Variants in EFCAB5 observed in about 807,000 individuals in gnomAD.
EFCAB5 encodes EF-hand calcium binding domain 5, also known as EF-hand calcium-binding domain-containing protein 5.
A neutral mutation model predicts 167.9 loss-of-function variants in EFCAB5; 131 were observed. The ratio of observed to expected loss-of-function variants is 0.78; its 90% CI spans 0.68 to 0.90. The LOEUF is 0.90. Ranked by LOEUF, EFCAB5 falls within the 40% of genes least tolerant of loss-of-function variation. The probability of loss-of-function intolerance (pLI) is 0.00; values close to 1 mark genes in which losing one functional copy is unlikely to be tolerated. For missense variants in EFCAB5, 1,663 were observed against 1,745.2 expected, an observed-to-expected ratio of 0.95 and a Z score of 0.84; for synonymous variants, 574 against 602.8, an observed-to-expected ratio of 0.95 and a Z score of 0.70.
chr17:29,945,218 C>T (rs939851884), intron 3 of EFCAB5, among the ~76,000 whole-genome samples: 21 of 152,016 alleles, frequency 1.4e-4, no homozygotes, highest in Middle Eastern at 3.4e-3. Context: ...GTTTAGTATA[C>T]GCTAGGCTGA....
At chr17:29,972,502 TC>T (rs1335846580) in intron 4 of EFCAB5, 2 of 152,256 alleles carry the variant, frequency 1.3e-5, no homozygotes, top group African/African-American at 2.4e-5. Flanking sequence ...TGACCAGACA[TC>T]ACCTGCAGCC....
At chr17:29,990,826 G>A (rs559116949) in intron 4 of EFCAB5, among the ~76,000 whole-genome samples, 45 of 152,070 alleles carry the variant, frequency 3.0e-4, no homozygotes, top group Admixed American at 2.0e-4. Flanking sequence ...GAGAGCAGTC[G>A]CTCGAGGTGC....
intron 4 of EFCAB5, among the ~76,000 whole-genome samples, chr17:29,985,194 G>T (rs1208896486): frequency 1.3e-5 from 2 of 152,150 alleles, no homozygotes; most frequent in African/African-American, 2.4e-5. Flanking sequence ...TCTCAACCTG[G>T]GTGATGCAGT....
intron 22 of EFCAB5, among the ~76,000 whole-genome samples, chr17:30,097,456 C>G (rs2071320274): frequency 6.6e-6 from 1 of 152,222 alleles, no homozygotes; most frequent in African/African-American, 2.4e-5. Context: ...GTCCCCCTCG[C>G]CAGGGGCAAC....
chr17:29,985,291 G>C (rs1323746717), intron 4 of EFCAB5, among the ~76,000 whole-genome samples: 1 of 152,184 alleles, frequency 6.6e-6, no homozygotes, highest in Non-Finnish European at 1.5e-5. Flanking sequence ...GCAATTAGCT[G>C]AGATATACCC....
chr17:29,984,399 C>T (rs2068238432), intron 4 of EFCAB5, among the ~76,000 whole-genome samples: 1 of 151,754 alleles, frequency 6.6e-6, no homozygotes, highest in Non-Finnish European at 1.5e-5. Context: ...TTAGCAATTG[C>T]ATCAGAGAAA....
intron 8 of EFCAB5, among the ~76,000 whole-genome samples, chr17:30,044,580 G>GA (rs903877603): frequency 3.2e-4 from 47 of 145,912 alleles, no homozygotes; most frequent in African/African-American, 1.0e-3. Flanking sequence ...GATCTCACAA[G>GA]AAAAAAAAAA....
intron 7 of EFCAB5, among the ~76,000 whole-genome samples, chr17:30,021,498 A>G (rs1370458710): frequency 6.7e-6 from 1 of 148,810 alleles, no homozygotes; most frequent in Non-Finnish European, 1.5e-5. Context: ...AAATGAGAAA[A>G]TGGAGTGATA....
At position 30,068,664 on chromosome 17, in the gene EFCAB5, C is replaced by G. The variant is rs540287586; in HGVS notation, c.2737+8963C>G. On this transcript the variant is annotated intron_variant, in intron 14 of 22. Transcript: ENST00000394835. ...ACATCACGCTGCTATTCCGGGCCAG[C>G]GTCAAGACCGTGAAGACGCAGAACA... 186 of 1,547,832 alleles carry G rather than the reference C, an allele frequency of 1.2e-4. No individual in the cohort carries two copies. The African/African-American group carries it at 2.2e-3, about 18-fold the overall frequency.
chr17:29,931,429 A>G (rs1405101242), intron 1 of EFCAB5, among the ~76,000 whole-genome samples: 1 of 152,142 alleles, frequency 6.6e-6, no homozygotes, highest in African/African-American at 2.4e-5. Context: ...CTGTGGTTGA[A>G]ATAATTAGCA....
At chr17:30,064,562 A>C (rs1293842492) in intron 14 of EFCAB5, among the ~76,000 whole-genome samples, 1 of 152,226 alleles carries the variant, frequency 6.6e-6, no homozygotes, top group African/African-American at 2.4e-5. Flanking sequence ...TGGGACTTCC[A>C]GAAGGAGAAG....
chr17:30,035,969 G>T (rs544857703), intron 8 of EFCAB5, among the ~76,000 whole-genome samples: 1 of 149,924 alleles, frequency 6.7e-6, no homozygotes, highest in Middle Eastern at 3.5e-3. Flanking sequence ...TGGGAACAAA[G>T]CCCCAAAATG....
chr17:30,049,910 A>G (rs1738310174), intron 8 of EFCAB5, among the ~76,000 whole-genome samples: 1 of 152,236 alleles, frequency 6.6e-6, no homozygotes, highest in South Asian at 2.1e-4. Flanking sequence ...GGAGACGTGT[A>G]TAAGGATATC....
At chr17:30,076,303 C>G (rs976433334) in intron 14 of EFCAB5, among the ~76,000 whole-genome samples, 1 of 152,222 alleles carries the variant, frequency 6.6e-6, no homozygotes, top group African/African-American at 2.4e-5. Context: ...ACTAAACCAA[C>G]CACTCTGGCT....
chr17:30,103,380 C>A (rs1253360546), intron 22 of EFCAB5, among the ~76,000 whole-genome samples: 2 of 151,906 alleles, frequency 1.3e-5, no homozygotes, highest in African/African-American at 4.8e-5. Context: ...ATAGCTACAT[C>A]ATTTAAAAAG....
intron 4 of EFCAB5, among the ~76,000 whole-genome samples, chr17:29,986,734 C>A (rs1276618414): frequency 1.3e-5 from 2 of 148,850 alleles, no homozygotes; most frequent in African/African-American, 5.0e-5. Context: ...GCAGGCTCCG[C>A]CCCCTGGGGT....
At chr17:29,948,485 T>A (rs2067447992) in intron 3 of EFCAB5, among the ~76,000 whole-genome samples, 1 of 152,186 alleles carries the variant, frequency 6.6e-6, no homozygotes, top group Non-Finnish European at 1.5e-5. Context: ...TAATCATTAT[T>A]TATGATTATT....
chr17:30,056,783 C>G (rs1050154088), intron 12 of EFCAB5, among the ~76,000 whole-genome samples: 1 of 152,154 alleles, frequency 6.6e-6, no homozygotes, highest in African/African-American at 2.4e-5. Context: ...TCATTTAAGC[C>G]TCAAATAACA....
chr17:29,976,738 A>G (rs1396020340), intron 4 of EFCAB5, among the ~76,000 whole-genome samples: 4 of 152,016 alleles, frequency 2.6e-5, no homozygotes, highest in Non-Finnish European at 5.9e-5. Flanking sequence ...TTTTAATGAG[A>G]CTCTATCTTC....
Sources: allele counts gnomAD v4.1 joint callset (sites outside exome capture counted in the v4.1 genomes callset), GRCh38; gene constraint gnomAD v4.1.1; transcripts MANE v1.5; gene names NCBI Gene and HGNC (gene_info 2026-07-23, HGNC 2026-07-21).